Variants in MID1 observed in about 807,000 individuals in gnomAD.
MID1 encodes the protein E3 ubiquitin-protein ligase Midline-1.
In MID1, 7 loss-of-function variants were observed where a neutral mutation model predicts 40.4. The observed-to-expected ratio is 0.17, with a 90% CI of 0.10 to 0.33. The LOEUF is 0.33. Among genes scored for constraint, MID1 ranks in the 10% least tolerant of loss-of-function variants. MID1 has a pLI of 1.00. For synonymous variants in MID1, 229 were observed against 221.2 expected (o/e 1.04, Z -0.31); for missense variants, 367 against 558.5 (o/e 0.66, Z 3.46).
rs1305140739 is a variant in MID1, at chrX:10,523,176, C to G, written c.672G>C (p.Glu224Asp). The G allele has an allele frequency of 8.7e-7, 1 of 1,147,980 alleles. No homozygotes were observed. Among genetic ancestry groups the G allele is most frequent in the East Asian group, 3.0e-5 (1 of 33,058 alleles). 94.6% of individuals were successfully genotyped at this position (1,147,980 alleles called of 1,213,427 possible). A position where few individuals can be genotyped will look rare whatever the true frequency, so the allele number is the denominator to read the frequency against. Residue 224 changes from glutamate to aspartate, a missense_variant, in exon 3 of 10, where the codon GAG becomes GAC. Physicochemically the swap from Glu to Asp is conservative, Grantham distance 45 (BLOSUM62 2). Around this residue, in one of 3 missense-constraint regions of MID1, gnomAD observed 275 missense variants for 383.1 expected, o/e 0.72. Coordinates refer to ENST00000317552, the MANE Select transcript of MID1 (RefSeq NM_000381.4). Reference protein sequence around the residue: ...ERYDKLKQNLESNLTNLIKRN... With the variant: ...ERYDKLKQNLDSNLTNLIKRN... ...TCTTAATAAGGTTGGTGAGGTTACT[C>G]TCTAAGTTTTGCTGTTCAAAAAAAA...
chrX:10,768,803 C>T (rs1015174554), intron 1 of MID1, among the ~76,000 whole-genome samples: 1 of 111,513 alleles, frequency 9.0e-6, no homozygotes, highest in Non-Finnish European at 1.9e-5. Context: ...TCTTCCCCTT[C>T]TGTTAGTTTC....
intron 2 of MID1, among the ~76,000 whole-genome samples, chrX:10,526,851 T>C (rs893789561): frequency 9.0e-6 from 1 of 111,521 alleles, no homozygotes; most frequent in Admixed American, 9.6e-5. Flanking sequence ...TAAAGGGAAA[T>C]TAAGCTGGGA....
chrX:10,481,323 G>A (rs1486122729), intron 5 of MID1, among the ~76,000 whole-genome samples: 2 of 112,512 alleles, frequency 1.8e-5, no homozygotes, highest in Non-Finnish European at 3.7e-5. Context: ...TGGATAAAGG[G>A]CAGTTGACTC....
At chrX:10,705,817 C>A (rs1285783300) in intron 1 of MID1, among the ~76,000 whole-genome samples, 1 of 112,256 alleles carries the variant, frequency 8.9e-6, no homozygotes, top group South Asian at 3.7e-4. Flanking sequence ...AGTATAGCCC[C>A]ACTGGCCAAT....
chrX:10,517,961 T>G (rs756414369), intron 3 of MID1, among the ~76,000 whole-genome samples: 11 of 112,239 alleles, frequency 9.8e-5, no homozygotes, highest in African/African-American at 3.2e-4. Context: ...AAACTTCCTG[T>G]GGGCAGGGTC....
chrX:10,535,078 G>T (rs1236094364), intron 2 of MID1, among the ~76,000 whole-genome samples: 2 of 112,228 alleles, frequency 1.8e-5, no homozygotes, highest in Non-Finnish European at 3.8e-5. Flanking sequence ...AAGAAATGTG[G>T]AAATCATGGA....
At chrX:10,579,554 G>A (rs1212893880) in intron 1 of MID1, among the ~76,000 whole-genome samples, 1 of 111,681 alleles carries the variant, frequency 9.0e-6, no homozygotes, top group African/African-American at 3.3e-5. Context: ...CATTGTGTGA[G>A]CAGATTGGAA....
chrX:10,755,325 T>C (rs1306545756), intron 1 of MID1, among the ~76,000 whole-genome samples: 1 of 111,794 alleles, frequency 8.9e-6, no homozygotes, highest in African/African-American at 3.3e-5. Context: ...CATTTTCATT[T>C]TCCCGTATAT....
chrX:10,745,335 C>T (rs887973911), intron 1 of MID1, among the ~76,000 whole-genome samples: 1 of 112,171 alleles, frequency 8.9e-6, no homozygotes, highest in South Asian at 3.8e-4. Flanking sequence ...CTCCCCACCT[C>T]ATTTGTTAAC....
intron 2 of MID1, among the ~76,000 whole-genome samples, chrX:10,551,745 T>C (rs1341411401): frequency 1.8e-5 from 2 of 111,673 alleles, no homozygotes; most frequent in Middle Eastern, 9.3e-3. Flanking sequence ...TGAAACACTA[T>C]TGGGGAGGGA....
chrX:10,803,394 C>T (rs1278617713), intron 1 of MID1, among the ~76,000 whole-genome samples: 2 of 102,958 alleles, frequency 1.9e-5, no homozygotes, highest in East Asian at 3.0e-4. Flanking sequence ...GATCTGTCGC[C>T]CAGGCTGGAG....
rs377398110 is a variant in MID1 at position 10,495,709 on chromosome X, T to C, written c.757-18A>G. On this transcript the variant is annotated intron_variant, in intron 3 of 9. Transcript: ENST00000317552. ...GCATTGACCTACAGGATAAGTACAATGGTAAGTGTTAATTTGGCCTTTGTT... is the reference window on the plus strand; with the variant it reads ...GCATTGACCTACAGGATAAGTACAACGGTAAGTGTTAATTTGGCCTTTGTT... The C allele has an allele frequency of 9.1e-7, 1 of 1,104,300 alleles. No individual in the cohort carries two copies. Among genetic ancestry groups the C allele is most frequent in the South Asian group, 1.8e-5 (1 of 54,711 alleles). 91.0% of individuals were successfully genotyped at this position (1,104,300 alleles called of 1,213,427 possible).
chrX:10,578,043 C>T (rs1247290736), intron 1 of MID1, among the ~76,000 whole-genome samples: 1 of 112,486 alleles, frequency 8.9e-6, no homozygotes, highest in Non-Finnish European at 1.9e-5. Flanking sequence ...ACTGCTTCCT[C>T]GGGCTGCCCA....
At chrX:10,616,158 A>G (rs764909206) in intron 1 of MID1, among the ~76,000 whole-genome samples, 1 of 112,010 alleles carries the variant, frequency 8.9e-6, no homozygotes, top group Non-Finnish European at 1.9e-5. Flanking sequence ...GCACACCTCT[A>G]ATCAGATCCT....
chrX:10,742,871 G>C (rs1250943791), intron 1 of MID1, among the ~76,000 whole-genome samples: 1 of 112,364 alleles, frequency 8.9e-6, no homozygotes, highest in Non-Finnish European at 1.9e-5. Flanking sequence ...CCTACTGGGG[G>C]CATTCAAACC....
chrX:10,446,781 T>C lies in MID1; in HGVS notation c.*2587A>G, dbSNP rs1480486652. On this transcript the variant is annotated 3_prime_UTR_variant, in exon 10 of 10. Coordinates refer to ENST00000317552, the MANE Select transcript of MID1 (RefSeq NM_000381.4). ...CAGGCTTAGGGCCCTTCTGAACTCCTGGGCTCTGGGCATACCCATGACACC... is the reference window on the plus strand; with the variant it reads ...CAGGCTTAGGGCCCTTCTGAACTCCCGGGCTCTGGGCATACCCATGACACC... 8.9e-6 allele frequency: 1 copy of C among 111,986 alleles called. No homozygotes were observed. The highest frequency in any genetic ancestry group is 1.9e-5 in the Non-Finnish European group (1 of 53,327). The allele number at this position is 111,986 out of a possible 1,213,427, so 9.2% of individuals were successfully genotyped here.
intron 1 of MID1, among the ~76,000 whole-genome samples, chrX:10,765,754 AAAT>A (rs1311822111): frequency 9.0e-6 from 1 of 110,812 alleles, no homozygotes; most frequent in Non-Finnish European, 1.9e-5. Flanking sequence ...TACCATATGA[AAAT>A]AAACGGATGT....
chrX:10,806,895 T>G (rs758051768), intron 1 of MID1, among the ~76,000 whole-genome samples: 4 of 111,019 alleles, frequency 3.6e-5, no homozygotes, highest in Non-Finnish European at 7.5e-5. Context: ...GGGGAGGGAA[T>G]TATTTTCCTA....
intron 1 of MID1, among the ~76,000 whole-genome samples, chrX:10,701,774 T>C (rs2043195475): frequency 8.9e-6 from 1 of 112,248 alleles, no homozygotes; most frequent in African/African-American, 3.2e-5. Flanking sequence ...CTAAGCCAGA[T>C]TGAGTCATTG....
Sources: allele counts gnomAD v4.1 joint callset (sites outside exome capture counted in the v4.1 genomes callset), GRCh38; gene constraint gnomAD v4.1.1; regional missense constraint gnomAD v4.1.1; transcripts MANE v1.5; gene names NCBI Gene and HGNC (gene_info 2026-07-23, HGNC 2026-07-21).